The following COPB2 variants were observed in gnomAD, a reference collection of about 807,000 sequenced individuals.
COPB2 encodes the protein coat protein complex I subunit beta 2.
A neutral mutation model predicts 120.8 loss-of-function variants in COPB2; 16 were observed. The observed-to-expected ratio is 0.13, with a 90% CI of 0.09 to 0.20. The LOEUF is 0.20. Ranked by LOEUF, COPB2 falls within the 10% of genes least tolerant of loss-of-function variation. The probability of loss-of-function intolerance (pLI) is 1.00; values close to 1 mark genes in which losing one functional copy is unlikely to be tolerated. For synonymous variants in COPB2, 332 were observed against 366.3 expected (o/e 0.91, Z 1.07); for missense variants, 794 against 1,076.5 (o/e 0.74, Z 3.67).
intron 2 of COPB2, chr3:139,379,918 A>AGG (rs1941777311): frequency 6.2e-6 from 1 of 162,310 alleles, no homozygotes; most frequent in African/African-American, 2.4e-5. Flanking sequence ...CTGTATAGGC[A>AGG]GAGGATAGAA....
intron 17 of COPB2, 53 bp from the exon 18 acceptor site, chr3:139,359,415 G>T: frequency 1.3e-6 from 2 of 1,526,878 alleles, no homozygotes; most frequent in South Asian, 1.2e-5. Flanking sequence ...CTATAATAAT[G>T]GGTACTTAAC....
At chr3:139,384,484 C>A (rs75757689) in intron 1 of COPB2, among the ~76,000 whole-genome samples, 109 of 152,288 alleles carry the variant, frequency 7.2e-4, no homozygotes, top group Non-Finnish European at 1.2e-3. Context: ...ACCAGCCAAC[C>A]TCTTTCAGGT....
At chr3:139,362,601 T>C (rs1019449466) in intron 15 of COPB2, 84 bp from the exon 16 acceptor site, 11 of 705,550 alleles carry the variant, frequency 1.6e-5, no homozygotes, top group South Asian at 2.8e-5. Flanking sequence ...CACACACATA[T>C]ACAGTGTACA....
At chr3:139,367,270 A>G in intron 13 of COPB2, 125 bp from the exon 14 acceptor site, 2 of 1,176,936 alleles carry the variant, frequency 1.7e-6, no homozygotes, top group East Asian at 2.6e-5. Context: ...TCCTATTTCT[A>G]GAAAAAAAAA....
At chr3:139,365,828 A>G (rs573469531) in intron 15 of COPB2, among the ~76,000 whole-genome samples, 1 of 152,386 alleles carries the variant, frequency 6.6e-6, no homozygotes, top group African/African-American at 2.4e-5. Flanking sequence ...ATAATATGCT[A>G]CATGTTCACC....
At chr3:139,388,325 C>A (rs1446193302) in intron 1 of COPB2, 2 of 145,740 alleles carry the variant, frequency 1.4e-5, no homozygotes, top group Non-Finnish European at 3.0e-5. Flanking sequence ...GGCCCCTGCG[C>A]AAGTATGACA....
At chr3:139,386,516 G>C (rs1941924933) in intron 1 of COPB2, among the ~76,000 whole-genome samples, 1 of 151,966 alleles carries the variant, frequency 6.6e-6, no homozygotes, top group South Asian at 2.1e-4. Context: ...CGGTCTCCCA[G>C]CTCCAATTTT....
chr3:139,363,306 A>G (rs1270513824), intron 15 of COPB2, among the ~76,000 whole-genome samples: 1 of 152,194 alleles, frequency 6.6e-6, no homozygotes, highest in Non-Finnish European at 1.5e-5. Flanking sequence ...TGGGTGAGTG[A>G]GCATTACCGC....
chr3:139,386,205 C>T (rs1366003183), intron 1 of COPB2, among the ~76,000 whole-genome samples: 1 of 152,028 alleles, frequency 6.6e-6, no homozygotes, highest in Non-Finnish European at 1.5e-5. Flanking sequence ...TCTTCAATCT[C>T]CTCAAAAATG....
intron 4 of COPB2, among the ~76,000 whole-genome samples, chr3:139,378,706 A>C (rs1049694374): frequency 6.6e-6 from 1 of 152,228 alleles, no homozygotes; most frequent in Admixed American, 6.5e-5. Context: ...AACTAGTTTG[A>C]ATATAAAGAT....
In COPB2 at chr3:139,389,421, G is replaced by A. The variant is rs1054839559; in HGVS notation, c.3+127C>T. On this transcript the variant is annotated intron_variant, in intron 1 of 21. Coordinates refer to ENST00000333188, the MANE Select transcript of COPB2 (RefSeq NM_004766.3). The stretch of plus-strand genomic sequence containing the variant: ...CCTGGAATCAAACGACCAAGACCCC[G>A]CAAGGCCTGAGGCGGCGGCCGCAGC... 6 of 1,329,368 alleles carry A rather than the reference G, an allele frequency of 4.5e-6. No individual in the cohort carries two copies. In the African/African-American group the frequency reaches 7.6e-5, roughly 17 times the overall value. 82.3% of individuals were successfully genotyped at this position (1,329,368 alleles called of 1,614,324 possible). A position where few individuals can be genotyped will look rare whatever the true frequency, so the allele number is the denominator to read the frequency against.
intron 12 of COPB2, 45 bp downstream of exon 12, chr3:139,369,216 C>T (rs1343598017): frequency 1.3e-6 from 2 of 1,530,124 alleles, no homozygotes; most frequent in Non-Finnish European, 1.8e-6. Context: ...CAGAACTCAT[C>T]ACAAAAATAA....
intron 16 of COPB2, 124 bp from the exon 17 acceptor site, chr3:139,361,419 T>C: frequency 1.1e-6 from 1 of 931,370 alleles, no homozygotes; most frequent in Non-Finnish European, 1.6e-6. Flanking sequence ...GTTGGCTCTA[T>C]CAAAATAAGA....
intron 1 of COPB2, chr3:139,388,389 G>A (rs1941969965): frequency 7.3e-6 from 1 of 136,140 alleles, no homozygotes; most frequent in Admixed American, 8.1e-5. Context: ...AAAAAAAAAA[G>A]AAGGTCCATG....
In COPB2 at chr3:139,359,188, ACAT is replaced by A. The variant is rs747447280; in HGVS notation, c.2304-13_2304-11del. 4.2e-5 allele frequency: 68 copies of A among 1,612,066 alleles called. No homozygotes were observed. Among genetic ancestry groups the A allele is most frequent in the Non-Finnish European group, 5.2e-5 (61 of 1,179,160 alleles). Reference sequence around the variant, plus strand: ...CCAGAGTTTCACTACCCTATTATAGACATCATGGAACCAAAGAGAGACTAAGTA... The same window carrying A: ...CCAGAGTTTCACTACCCTATTATAGACATGGAACCAAAGAGAGACTAAGTA... On this transcript the variant is annotated splice_polypyrimidine_tract_variant and intron_variant, in intron 18 of 21. Transcript: ENST00000333188.
intron 1 of COPB2, chr3:139,385,544 C>T (rs1941904565): frequency 6.6e-6 from 1 of 151,880 alleles, no homozygotes; most frequent in Non-Finnish European, 1.5e-5. Context: ...GGGTTATATC[C>T]CTATGCATGA....
rs1449027670 is a variant in COPB2, at chr3:139,373,391, T to C, written c.916A>G (p.Met306Val). 3.1e-6 allele frequency: 5 copies of C among 1,614,164 alleles called. No individual in the cohort carries two copies. The highest frequency in any genetic ancestry group is 3.3e-5 in the Admixed American group (2 of 60,020). ...ATCTTTCCATTGGCATCCATGGACA[T>C]GGCAGGTTCCTCCCGACCAAGCTGA... ...IVKLGREEPAMSMDANGKIIW... is the reference protein window; with the variant it reads ...IVKLGREEPAVSMDANGKIIW... The change falls in exon 9 of 22, where the codon ATG (methionine) becomes GTG (valine). Residue 306 changes from methionine to valine, a missense_variant. Met to Val is a conservative substitution (Grantham distance 21, BLOSUM62 1). Coordinates refer to ENST00000333188, the MANE Select transcript of COPB2 (RefSeq NM_004766.3).
At chr3:139,374,131 A>G in intron 7 of COPB2, 1 of 422,418 alleles carries the variant, frequency 2.4e-6, no homozygotes. Context: ...GCAGATATAT[A>G]TGTTTCCATT....
At chr3:139,365,700 TG>T (rs1426389091) in intron 15 of COPB2, among the ~76,000 whole-genome samples, 1 of 152,076 alleles carries the variant, frequency 6.6e-6, no homozygotes, top group Non-Finnish European at 1.5e-5. Flanking sequence ...TCAGGAACTC[TG>T]GAGAACCAGC....
Sources: gnomAD v4.1 joint callset for allele counts (sites outside exome capture counted in the v4.1 genomes callset) on GRCh38, gnomAD v4.1.1 for gene constraint, MANE v1.5 for transcripts, NCBI Gene and HGNC (gene_info 2026-07-23, HGNC 2026-07-21) for gene names.